The following IMMP1L variants were observed in gnomAD, a reference collection of about 807,000 sequenced individuals.
IMMP1L encodes the protein inner mitochondrial membrane peptidase subunit 1.
In IMMP1L, 24 loss-of-function variants were observed where a neutral mutation model predicts 21.8. The observed-to-expected ratio is 1.10, with a 90% CI of 0.80 to 1.55. The LOEUF (loss-of-function observed/expected upper bound fraction) is 1.55. Ranked by LOEUF, IMMP1L falls within the 40% of genes most tolerant of loss-of-function variation. IMMP1L has a pLI of 0.00. For synonymous variants in IMMP1L, 46 were observed against 62.8 expected (o/e 0.73, Z 1.26); for missense variants, 195 against 200.7 (o/e 0.97, Z 0.17).
intron 4 of IMMP1L, among the ~76,000 whole-genome samples, chr11:31,438,444 T>C (rs1007662197): frequency 1.4e-4 from 21 of 152,126 alleles, no homozygotes; most frequent in African/African-American, 4.3e-4. Flanking sequence ...TTTGATGGGA[T>C]TGCAAATATT....
At chr11:31,487,715 C>T (rs1220587369) in intron 1 of IMMP1L, among the ~76,000 whole-genome samples, 3 of 152,090 alleles carry the variant, frequency 2.0e-5, no homozygotes, top group East Asian at 3.9e-4. Flanking sequence ...AGTAAACTAA[C>T]TTACATTACA....
At chr11:31,439,096 C>T (rs1024735191) in intron 4 of IMMP1L, among the ~76,000 whole-genome samples, 8 of 151,900 alleles carry the variant, frequency 5.3e-5, no homozygotes, top group Non-Finnish European at 4.4e-5. Flanking sequence ...CTCTGTCTTC[C>T]CTGGTTTGAT....
chr11:31,432,455 C>G lies in IMMP1L; in HGVS notation c.*45G>C, dbSNP rs765777968. ...ACGGTTTCAACGGGAGTAATAAATT[C>G]ACATGAAAAGGAGACAATAATCAAG... On this transcript the variant is annotated 3_prime_UTR_variant, in exon 6 of 6. Transcript: ENST00000532287. 1 of 1,325,264 alleles carries G rather than the reference C, an allele frequency of 7.5e-7. No individual in the cohort carries two copies. Among genetic ancestry groups the G allele is most frequent in the Non-Finnish European group, 1.1e-6 (1 of 919,452 alleles). The allele number at this position is 1,325,264 out of a possible 1,614,324, so 82.1% of individuals were successfully genotyped here. A position where few individuals can be genotyped will look rare whatever the true frequency, so the allele number is the denominator to read the frequency against.
chr11:31,442,057 C>T (rs1953349829), intron 4 of IMMP1L, among the ~76,000 whole-genome samples: 1 of 152,146 alleles, frequency 6.6e-6, no homozygotes, highest in African/African-American at 2.4e-5. Flanking sequence ...TTTGCCCAAA[C>T]CTGAATTCTC....
At chr11:31,490,582 G>A (rs1451642939) in intron 1 of IMMP1L, among the ~76,000 whole-genome samples, 1 of 151,894 alleles carries the variant, frequency 6.6e-6, no homozygotes. Flanking sequence ...AACATTAAAG[G>A]TATTAGTACG....
intron 1 of IMMP1L, among the ~76,000 whole-genome samples, chr11:31,500,952 C>G (rs562270052): frequency 6.6e-6 from 1 of 152,276 alleles, no homozygotes; most frequent in South Asian, 2.1e-4. Context: ...TGATCTAAAG[C>G]TGTGTGATTT....
chr11:31,473,828 T>A (rs936654094), intron 1 of IMMP1L: 3 of 686,276 alleles, frequency 4.4e-6, no homozygotes, highest in Non-Finnish European at 5.4e-6. Flanking sequence ...ACAGGAAAAA[T>A]ATATATATAC....
chr11:31,453,577 C>T (rs1006193505), intron 4 of IMMP1L, among the ~76,000 whole-genome samples: 2 of 152,092 alleles, frequency 1.3e-5, no homozygotes, highest in African/African-American at 4.8e-5. Flanking sequence ...GTAGACCCTG[C>T]GAACATTTTG....
chr11:31,443,533 G>A (rs1025361838), intron 4 of IMMP1L, among the ~76,000 whole-genome samples: 1 of 152,112 alleles, frequency 6.6e-6, no homozygotes, highest in African/African-American at 2.4e-5. Context: ...CTAACTACTT[G>A]CCCACATTCT....
At chr11:31,489,640 C>A (rs1205029580) in intron 1 of IMMP1L, among the ~76,000 whole-genome samples, 1 of 152,182 alleles carries the variant, frequency 6.6e-6, no homozygotes, top group Non-Finnish European at 1.5e-5. Flanking sequence ...ACACATTTCA[C>A]TTTTCTGATA....
At chr11:31,433,152 T>C (rs1360218530) in intron 5 of IMMP1L, among the ~76,000 whole-genome samples, 1 of 152,222 alleles carries the variant, frequency 6.6e-6, no homozygotes, top group Non-Finnish European at 1.5e-5. Flanking sequence ...TATTAAAATA[T>C]GCCCTGGGCA....
rs933691372 is a variant in IMMP1L, at chr11:31,473,769, T to C, written c.-29-10464A>G. On this transcript the variant is annotated intron_variant, in intron 1 of 5. Transcript: ENST00000532287. The stretch of plus-strand genomic sequence containing the variant: ...AGTCACAAGAAGTTGTCCACCTGAT[T>C]GTTCAGGTCTGAAATTCCTTTGAAA... 4 of 984,926 alleles carry C rather than the reference T, an allele frequency of 4.1e-6. No homozygotes were observed. In the Admixed American group the frequency reaches 1.8e-4, roughly 45 times the overall value. 61.0% of individuals were successfully genotyped at this position (984,926 alleles called of 1,614,324 possible).
chr11:31,498,224 G>A (rs1401206294), intron 1 of IMMP1L, among the ~76,000 whole-genome samples: 2 of 152,072 alleles, frequency 1.3e-5, no homozygotes, highest in Non-Finnish European at 2.9e-5. Context: ...GACCTTTAAT[G>A]TTATTCTTTG....
At chr11:31,489,625 C>G (rs768244265) in intron 1 of IMMP1L, among the ~76,000 whole-genome samples, 1 of 152,242 alleles carries the variant, frequency 6.6e-6, no homozygotes, top group African/African-American at 2.4e-5. Flanking sequence ...CTTGCCTTTG[C>G]TTTTACACAT....
chr11:31,477,643 G>T, intron 1 of IMMP1L: 2 of 495,800 alleles, frequency 4.0e-6, no homozygotes, highest in Non-Finnish European at 5.2e-6. Context: ...GGCTTTTTCT[G>T]CAGTGAAGGT....
At chr11:31,459,877 C>T (rs1954076140) in intron 3 of IMMP1L, among the ~76,000 whole-genome samples, 1 of 152,106 alleles carries the variant, frequency 6.6e-6, no homozygotes, top group Admixed American at 6.6e-5. Context: ...ATCAAATGGG[C>T]TGGGCACGGT....
chr11:31,436,821 C>T (rs916955523), intron 4 of IMMP1L, among the ~76,000 whole-genome samples: 2 of 152,110 alleles, frequency 1.3e-5, no homozygotes, highest in Admixed American at 6.6e-5. Context: ...TCATTTGATA[C>T]TTAAAATAAC....
chr11:31,445,484 A>T (rs1953483362), intron 4 of IMMP1L, among the ~76,000 whole-genome samples: 1 of 152,240 alleles, frequency 6.6e-6, no homozygotes, highest in Non-Finnish European at 1.5e-5. Flanking sequence ...GATTACCAGT[A>T]GAAAGGTTGC....
chr11:31,496,506 A>C (rs1217038698), intron 1 of IMMP1L, among the ~76,000 whole-genome samples: 1 of 152,132 alleles, frequency 6.6e-6, no homozygotes, highest in African/African-American at 2.4e-5. Flanking sequence ...ACAGAGATTC[A>C]AACAGATACT....
Sources: gnomAD v4.1 joint callset for allele counts (sites outside exome capture counted in the v4.1 genomes callset) on GRCh38, gnomAD v4.1.1 for gene constraint, MANE v1.5 for transcripts, NCBI Gene and HGNC (gene_info 2026-07-23, HGNC 2026-07-21) for gene names.